The following COL13A1 variants were observed in gnomAD, a reference collection of about 807,000 sequenced individuals.
COL13A1 encodes the protein collagen alpha-1(XIII) chain.
In COL13A1, 89 loss-of-function variants were observed where a neutral mutation model predicts 130.9. That is an observed-to-expected ratio of 0.68 (90% CI 0.57 to 0.81). The LOEUF is 0.81. Ranked by LOEUF, COL13A1 falls within the 30% of genes least tolerant of loss-of-function variation. COL13A1 has a pLI of 0.00. For missense variants in COL13A1, 879 were observed against 934.6 expected, an observed-to-expected ratio of 0.94 and a Z score of 0.78; for synonymous variants, 402 against 341.6, an observed-to-expected ratio of 1.18 and a Z score of -1.95.
chr10:69,863,871 G>A (rs547335405), intron 2 of COL13A1, among the ~76,000 whole-genome samples: 5 of 152,298 alleles, frequency 3.3e-5, no homozygotes, highest in African/African-American at 1.2e-4. Flanking sequence ...GAGCTCAGGA[G>A]TTTGAGACCA....
chr10:69,808,236 C>G (rs1442971783), intron 1 of COL13A1, among the ~76,000 whole-genome samples: 1 of 152,134 alleles, frequency 6.6e-6, no homozygotes, highest in Non-Finnish European at 1.5e-5. Context: ...CTGCCCTAAG[C>G]ACAGCTTTAC....
chr10:69,846,212 G>A (rs962777898), intron 2 of COL13A1, among the ~76,000 whole-genome samples: 2 of 152,252 alleles, frequency 1.3e-5, no homozygotes, highest in African/African-American at 2.4e-5. Context: ...CCAGCCCTCG[G>A]TAACAAGGGG....
chr10:69,826,460 G>GACC (rs1847512214), intron 2 of COL13A1, among the ~76,000 whole-genome samples: 1 of 152,344 alleles, frequency 6.6e-6, no homozygotes, highest in Admixed American at 6.5e-5. Flanking sequence ...CTAGCGCCAT[G>GACC]ACCAGCACTG....
chr10:69,832,260 C>T (rs1311411775), intron 2 of COL13A1, among the ~76,000 whole-genome samples: 3 of 152,204 alleles, frequency 2.0e-5, no homozygotes, highest in Non-Finnish European at 4.4e-5. Flanking sequence ...TAAGGCACTG[C>T]AAGAGATGGG....
chr10:69,929,175 C>T (rs1014510522), intron 28 of COL13A1, among the ~76,000 whole-genome samples, 176 bp downstream of exon 28: 1 of 149,908 alleles, frequency 6.7e-6, no homozygotes, highest in Admixed American at 6.6e-5. Flanking sequence ...TTCTAGCCAA[C>T]CCTTGCCATC....
chr10:69,881,370 C>T (rs1007503260), intron 7 of COL13A1, among the ~76,000 whole-genome samples: 11 of 152,104 alleles, frequency 7.2e-5, no homozygotes, highest in Middle Eastern at 3.2e-3. Flanking sequence ...AGCAGCAGGC[C>T]GCCGGCTCCA....
chr10:69,930,045 G>C lies in COL13A1; in HGVS notation c.1488G>C (p.Gly496=), dbSNP rs993255567. The C allele has an allele frequency of 1.2e-6, 2 of 1,613,952 alleles. No individual in the cohort carries two copies. Among genetic ancestry groups the C allele is most frequent in the Non-Finnish European group, 1.7e-6 (2 of 1,179,828 alleles). The change falls in exon 29 of 41, where the codon GGG becomes GGC. Residue 496 remains glycine, a splice_region_variant and synonymous_variant. Coordinates refer to ENST00000645393, the MANE Select transcript of COL13A1 (RefSeq NM_001368882.1). ...ACCTTTAGTTGTTCCGGTTACAGGG[G>C]GAGATTGGACTGCCAGGCCCTCCAG... ...PGAPGIPGQK[G]EIGLPGPPGH... is the part of the protein sequence containing the mutation.
At chr10:69,956,170 T>TC (rs2070643786) in intron 39 of COL13A1, 1 of 152,250 alleles carries the variant, frequency 6.6e-6, no homozygotes, top group Admixed American at 6.5e-5. Flanking sequence ...AGCCTCGCCT[T>TC]CCCCACTGGG....
chr10:69,902,286 A>G (rs2062262219), intron 14 of COL13A1, among the ~76,000 whole-genome samples: 1 of 152,236 alleles, frequency 6.6e-6, no homozygotes, highest in African/African-American at 2.4e-5. Context: ...CAAAAAGCTG[A>G]GACAGGAAAC....
intron 35 of COL13A1, among the ~76,000 whole-genome samples, chr10:69,943,689 C>T (rs2068008137): frequency 6.6e-6 from 1 of 152,148 alleles, no homozygotes. Context: ...AACCCTCTCT[C>T]GTCTGCCCCT....
chr10:69,946,090 CAA>C (rs772972376), intron 37 of COL13A1, among the ~76,000 whole-genome samples: 23 of 108,292 alleles, frequency 2.1e-4, no homozygotes, highest in Non-Finnish European at 2.0e-4. Context: ...ACACACAAAC[CAA>C]AAAAAAAAAA....
At chr10:69,852,745 A>G (rs759949235) in intron 2 of COL13A1, among the ~76,000 whole-genome samples, 20 of 152,310 alleles carry the variant, frequency 1.3e-4, no homozygotes, top group Admixed American at 9.8e-4. Context: ...CACTTGTCCC[A>G]TTTTGGGAGA....
chr10:69,867,880 G>A, intron 3 of COL13A1, 75 bp downstream of exon 3: 2 of 715,856 alleles, frequency 2.8e-6, no homozygotes, highest in South Asian at 3.0e-5. Flanking sequence ...TCTGGGTGGG[G>A]GCACTGAAAG....
At chr10:69,882,696 T>C (rs2060259139) in intron 7 of COL13A1, among the ~76,000 whole-genome samples, 1 of 152,234 alleles carries the variant, frequency 6.6e-6, no homozygotes, top group South Asian at 2.1e-4. Flanking sequence ...TTTGAAACGC[T>C]ACGTTTAAAA....
chr10:69,942,987 A>C (rs2067876261), intron 35 of COL13A1, among the ~76,000 whole-genome samples: 1 of 152,210 alleles, frequency 6.6e-6, no homozygotes. Context: ...AGCTGGGATT[A>C]CAGGCACCCA....
chr10:69,802,333 C>T lies in COL13A1; in HGVS notation c.-91C>T. The T allele has an allele frequency of 2.3e-6, 3 of 1,321,770 alleles. No individual in the cohort carries two copies. The highest frequency in any genetic ancestry group is 2.0e-6 in the Non-Finnish European group (2 of 1,024,972). 81.9% of individuals were successfully genotyped at this position (1,321,770 alleles called of 1,614,324 possible). A position where few individuals can be genotyped will look rare whatever the true frequency, so the allele number is the denominator to read the frequency against. ...TTCCAGCGATACAAGCCCTTTCCCC[C>T]TGCCCCGCAGTTTGGATAGAGCCTT... On this transcript the variant is annotated 5_prime_UTR_variant, in exon 1 of 41. Transcript: ENST00000645393.
At chr10:69,894,602 C>T (rs1350263764) in intron 11 of COL13A1, 24 bp downstream of exon 11, 1 of 1,614,006 alleles carries the variant, frequency 6.2e-7, no homozygotes, top group Non-Finnish European at 8.5e-7. Context: ...CCATCTATTT[C>T]CCAGCAGAGA....
rs143351352 is a variant in COL13A1 at position 69,802,418 on chromosome 10, G to C, written c.-6G>C. 4.2e-4 allele frequency: 626 copies of C among 1,486,970 alleles called. 1 individual carries two copies. The African/African-American group carries it at 8.2e-3, about 19-fold the overall frequency. 92.1% of individuals were successfully genotyped at this position (1,486,970 alleles called of 1,614,324 possible). On this transcript the variant is annotated 5_prime_UTR_variant, in exon 1 of 41. Transcript: ENST00000645393. ...ATTTATTTATTGGTTCTCAAGACGC[G>C]AGAGGATGGTAGCGGAGCGCACCCA... is the stretch of plus-strand genomic sequence containing the variant.
At chr10:69,910,192 T>A (rs962060136) in intron 17 of COL13A1, among the ~76,000 whole-genome samples, 5 of 152,002 alleles carry the variant, frequency 3.3e-5, no homozygotes, top group Non-Finnish European at 5.9e-5. Flanking sequence ...TGCTCTCTGC[T>A]TGGAGTAAGG....
Sources: gnomAD v4.1 joint callset for allele counts (sites outside exome capture counted in the v4.1 genomes callset) on GRCh38, gnomAD v4.1.1 for gene constraint, MANE v1.5 for transcripts, NCBI Gene and HGNC (gene_info 2026-07-23, HGNC 2026-07-21) for gene names.